The following SLC10A6 variants were observed in gnomAD, a reference collection of about 807,000 sequenced individuals.
SLC10A6 encodes solute carrier family 10 member 6.
In SLC10A6, 27 loss-of-function variants were observed where a neutral mutation model predicts 30.0. The ratio of observed to expected loss-of-function variants is 0.90; its 90% CI spans 0.66 to 1.24. The LOEUF (loss-of-function observed/expected upper bound fraction) is 1.24. Among genes scored for constraint, SLC10A6 ranks in the 50% most tolerant of loss-of-function variants. The pLI is 0.00. For missense variants in SLC10A6, 439 were observed against 457.0 expected (o/e 0.96, Z 0.36); for synonymous variants, 166 against 173.8 (o/e 0.95, Z 0.36).
intron 2 of SLC10A6, among the ~76,000 whole-genome samples, chr4:86,833,030 G>A (rs1746112079): frequency 6.6e-6 from 1 of 152,018 alleles, no homozygotes; most frequent in Non-Finnish European, 1.5e-5. Flanking sequence ...CACTCTTATA[G>A]GGATGAAAGT....
At position 86,826,311 on chromosome 4, in the gene SLC10A6, GC is replaced by G. The variant is rs1402033884; in HGVS notation, c.762-735del. On this transcript the variant is annotated intron_variant, in intron 4 of 5. Coordinates refer to ENST00000273905, the MANE Select transcript of SLC10A6 (RefSeq NM_197965.3). Reference sequence around the variant, plus strand: ...CAAATAAACAAGGCCAGGCACAGTGGCTCACGCCTGTAATCTCAGCACTTTG... The same window carrying G: ...CAAATAAACAAGGCCAGGCACAGTGGTCACGCCTGTAATCTCAGCACTTTG... Among the ~76,000 whole-genome samples, 74 of 152,166 alleles carry G rather than the reference GC, an allele frequency of 4.9e-4. 2 individuals carry two copies. The highest frequency in any genetic ancestry group is 4.3e-3 in the Admixed American group (65 of 15,284).
chr4:86,837,302 G>A (rs67110856), intron 1 of SLC10A6, among the ~76,000 whole-genome samples: 6,523 of 113,678 alleles, frequency 0.057, 439 homozygotes, highest in Non-Finnish European at 0.071. Context: ...AGGAAGGAAG[G>A]AAGGAAGGAA....
At chr4:86,824,542 A>G (rs910814607) in intron 5 of SLC10A6, among the ~76,000 whole-genome samples, 2 of 152,076 alleles carry the variant, frequency 1.3e-5, no homozygotes, top group African/African-American at 4.8e-5. Flanking sequence ...CCATGGCCCA[A>G]GATTAAAATA....
At chr4:86,842,583 G>A (rs543520336) in intron 1 of SLC10A6, among the ~76,000 whole-genome samples, 17 of 151,950 alleles carry the variant, frequency 1.1e-4, no homozygotes, top group South Asian at 2.1e-4. Context: ...TCCCAGCTGC[G>A]CTGCTCAGAA....
intron 4 of SLC10A6, 21 bp downstream of exon 4, chr4:86,827,972 T>G (rs975802724): frequency 5.0e-6 from 8 of 1,605,772 alleles, no homozygotes; most frequent in Non-Finnish European, 6.0e-6. Context: ...TCAAAAAAGT[T>G]TATGGATAGT....
intron 1 of SLC10A6, among the ~76,000 whole-genome samples, chr4:86,834,984 C>T (rs1194688775): frequency 1.3e-5 from 2 of 152,104 alleles, no homozygotes; most frequent in Non-Finnish European, 2.9e-5. Context: ...AAGGAGATGG[C>T]ATTAACCATT....
In SLC10A6 at chr4:86,832,203, C is replaced by T. The variant is rs890705726; in HGVS notation, c.497-323G>A. Among the ~76,000 whole-genome samples the T allele has an allele frequency of 6.6e-5, 10 of 152,132 alleles. 1 individual carries two copies. The highest frequency in any genetic ancestry group is 1.5e-4 in the Non-Finnish European group (10 of 68,024). ...AAATTTTACAGATTCAGTGGGCTCC[C>T]GCTATTGTGAGGAAGTGGGTTCATT... On this transcript the variant is annotated intron_variant, in intron 2 of 5. Coordinates refer to ENST00000273905, the MANE Select transcript of SLC10A6 (RefSeq NM_197965.3).
At chr4:86,831,930 C>G in intron 2 of SLC10A6, 50 bp from the exon 3 acceptor site, 1 of 1,421,150 alleles carries the variant, frequency 7.0e-7, no homozygotes, top group Non-Finnish European at 9.8e-7. Context: ...ACCCTGACTG[C>G]ACAGTACTTC....
rs531648275 is a variant in SLC10A6 at position 86,824,501 on chromosome 4, G to C, written c.920-599C>G. Reference sequence around the variant, plus strand: ...ATCAGTAATCATTGAGTCTTACTCAGACCCAATTCCCTAACAGCAGCAAAA... The same window carrying C: ...ATCAGTAATCATTGAGTCTTACTCACACCCAATTCCCTAACAGCAGCAAAA... On this transcript the variant is annotated intron_variant, in intron 5 of 5. Transcript: ENST00000273905. Among the ~76,000 whole-genome samples, 14 of 152,142 alleles carry C rather than the reference G, an allele frequency of 9.2e-5. No homozygotes were observed. In the South Asian group the frequency reaches 1.5e-3, roughly 16 times the overall value.
At chr4:86,836,653 C>T (rs1746190066) in intron 1 of SLC10A6, among the ~76,000 whole-genome samples, 1 of 152,172 alleles carries the variant, frequency 6.6e-6, no homozygotes, top group Admixed American at 6.5e-5. Context: ...GTATCCTGTA[C>T]AGCAGCACAA....
intron 1 of SLC10A6, among the ~76,000 whole-genome samples, chr4:86,847,306 C>A (rs996404746): frequency 6.6e-6 from 1 of 152,156 alleles, no homozygotes; most frequent in Non-Finnish European, 1.5e-5. Flanking sequence ...GCCTATGGGG[C>A]ACTTAATAAA....
intron 4 of SLC10A6, among the ~76,000 whole-genome samples, chr4:86,826,927 T>C (rs912768201): frequency 6.6e-6 from 1 of 152,170 alleles, no homozygotes; most frequent in Admixed American, 6.5e-5. Flanking sequence ...GGGTGTGTAA[T>C]GAGGGGGTGA....
intron 1 of SLC10A6, among the ~76,000 whole-genome samples, chr4:86,833,938 G>A (rs1001367853): frequency 6.6e-6 from 1 of 152,024 alleles, no homozygotes; most frequent in Non-Finnish European, 1.5e-5. Flanking sequence ...TACCTGTTCT[G>A]GACATTTCAT....
intron 1 of SLC10A6, among the ~76,000 whole-genome samples, chr4:86,834,811 G>C (rs1746153010): frequency 6.6e-6 from 1 of 152,150 alleles, no homozygotes; most frequent in African/African-American, 2.4e-5. Context: ...TCCTGGTAAG[G>C]ACCTCAGGAA....
At chr4:86,838,238 T>C (rs1218570199) in intron 1 of SLC10A6, among the ~76,000 whole-genome samples, 1 of 152,188 alleles carries the variant, frequency 6.6e-6, no homozygotes, top group Non-Finnish European at 1.5e-5. Context: ...TCTGAATCCA[T>C]GGCCCTCTGG....
intron 3 of SLC10A6, among the ~76,000 whole-genome samples, chr4:86,829,779 C>T (rs1203234379): frequency 2.6e-5 from 4 of 151,318 alleles, no homozygotes; most frequent in Non-Finnish European, 4.4e-5. Context: ...AATATTTATG[C>T]ATATTATTAA....
rs1016456568 is a variant in SLC10A6, at chr4:86,848,827, C to T, written c.289G>A (p.Ala97Thr). 1.2e-6 allele frequency: 2 copies of T among 1,614,168 alleles called. No individual in the cohort carries two copies. Among genetic ancestry groups the T allele is most frequent in the African/African-American group, 2.7e-5 (2 of 75,058 alleles). ...AISFSLKPVQAIAVLIMGCCP... is the reference protein window; with the variant it reads ...AISFSLKPVQTIAVLIMGCCP... ...CAGCCCATGATGAGAACAGCAATAG[C>T]TTGGACTGGCTTCAGAGAAAAGCTA... The change falls in exon 1 of 6, where the codon GCT becomes ACT. Residue 97 changes from alanine to threonine, a missense_variant. Transcript: ENST00000273905.
intron 1 of SLC10A6, among the ~76,000 whole-genome samples, chr4:86,836,731 T>C (rs1746191400): frequency 6.6e-6 from 1 of 152,188 alleles, no homozygotes; most frequent in Admixed American, 6.5e-5. Flanking sequence ...CACACATTTG[T>C]AATTTGTTGC....
intron 1 of SLC10A6, chr4:86,837,528 A>G (rs1383012636): frequency 1.1e-6 from 1 of 912,314 alleles, no homozygotes; most frequent in Non-Finnish European, 1.3e-6. Context: ...CTAAAAGCCA[A>G]TAAAAATCAG....
Sources: gnomAD v4.1 joint callset for allele counts (sites outside exome capture counted in the v4.1 genomes callset) on GRCh38, gnomAD v4.1.1 for gene constraint, MANE v1.5 for transcripts, NCBI Gene and HGNC (gene_info 2026-07-23, HGNC 2026-07-21) for gene names.